CREB3L1: variants seen among roughly 807,000 people sequenced by gnomAD.
CREB3L1 encodes cAMP responsive element binding protein 3 like 1.
CREB3L1 carries 33 observed loss-of-function variants against 54.5 expected under a neutral mutation model. The ratio of observed to expected loss-of-function variants is 0.61; its 90% CI spans 0.46 to 0.81. The LOEUF is 0.81. CREB3L1 is among the 30% of genes least tolerant of loss of function. The pLI, the probability that CREB3L1 is intolerant of heterozygous loss-of-function variation, is 0.00. For missense variants in CREB3L1, 656 were observed against 673.3 expected, an observed-to-expected ratio of 0.97 and a Z score of 0.29; for synonymous variants, 284 against 286.4, an observed-to-expected ratio of 0.99 and a Z score of 0.08.
intron 2 of CREB3L1, among the ~76,000 whole-genome samples, chr11:46,302,459 T>C (rs1337600371): frequency 6.6e-6 from 1 of 152,156 alleles, no homozygotes; most frequent in Non-Finnish European, 1.5e-5. Flanking sequence ...GGGCATTTCC[T>C]CAAATACAGG....
intron 1 of CREB3L1, among the ~76,000 whole-genome samples, chr11:46,282,242 A>G (rs1938988912): frequency 6.6e-6 from 1 of 152,194 alleles, no homozygotes; most frequent in African/African-American, 2.4e-5. Flanking sequence ...ATTTGCAGCC[A>G]TCGAGGTCCT....
At chr11:46,315,159 CT>C in intron 8 of CREB3L1, 1 of 310,774 alleles carries the variant, frequency 3.2e-6, no homozygotes, top group South Asian at 3.1e-5. Context: ...TCTTTCCTTC[CT>C]TCTCCCCCAG....
intron 10 of CREB3L1, among the ~76,000 whole-genome samples, chr11:46,317,794 C>A (rs1939589251): frequency 6.6e-6 from 1 of 152,210 alleles, no homozygotes; most frequent in African/African-American, 2.4e-5. Flanking sequence ...GGGCCCCATG[C>A]ATTATGGTGC....
chr11:46,314,237 CAAA>C (rs1262951906), intron 8 of CREB3L1, among the ~76,000 whole-genome samples: 6 of 83,436 alleles, frequency 7.2e-5, no homozygotes, highest in Admixed American at 1.4e-4. Flanking sequence ...GACTCTGTCT[CAAA>C]AAAAAAAAAA....
chr11:46,304,267 G>C (rs1037405450), intron 2 of CREB3L1, among the ~76,000 whole-genome samples: 4 of 152,334 alleles, frequency 2.6e-5, no homozygotes, highest in Middle Eastern at 3.4e-3. Context: ...GAGGTCAGGA[G>C]TTCAAGGCCA....
Position 46,318,808 on chromosome 11 carries a change from A to G in CREB3L1, c.1258+1321A>G, listed in dbSNP as rs575130283. 7.2e-5 allele frequency among the ~76,000 whole-genome samples: 11 copies of G among 152,248 alleles called. No homozygotes were observed. In the South Asian group the frequency reaches 2.1e-3, roughly 29 times the overall value. ...GAGGTCAGAGGAGGGAAGATTAAGG[A>G]GTGAGTTTCAAGAAGGAGGGATATA... On this transcript the variant is annotated intron_variant, in intron 10 of 11. Transcript: ENST00000621158.
intron 1 of CREB3L1, among the ~76,000 whole-genome samples, chr11:46,290,299 C>A (rs1358737400): frequency 6.6e-6 from 1 of 152,062 alleles, no homozygotes; most frequent in Non-Finnish European, 1.5e-5. Context: ...TACTTCAGGA[C>A]CCTCTACTAT....
intron 1 of CREB3L1, among the ~76,000 whole-genome samples, chr11:46,285,506 C>T (rs1413721096): frequency 6.6e-6 from 1 of 152,106 alleles, no homozygotes. Flanking sequence ...GGACTCTGAC[C>T]CTCAGAGGAA....
chr11:46,279,971 G>A (rs1033315202), intron 1 of CREB3L1, among the ~76,000 whole-genome samples: 2 of 152,198 alleles, frequency 1.3e-5, no homozygotes, highest in African/African-American at 4.8e-5. Context: ...TCCAGCACTA[G>A]GACACTGGGG....
In CREB3L1 at chr11:46,278,170, T is replaced by C. The variant is rs1293383763; in HGVS notation, c.59T>C (p.Leu20Pro). 2 of 1,578,262 alleles carry C rather than the reference T, an allele frequency of 1.3e-6. No homozygotes were observed. Among genetic ancestry groups the C allele is most frequent in the Non-Finnish European group, 1.7e-6 (2 of 1,162,202 alleles). Residue 20 changes from leucine (L) to proline (P), a missense_variant, in exon 1 of 12, where the codon CTG becomes CCG. Leu to Pro is a moderately conservative substitution (Grantham distance 98). Coordinates refer to ENST00000621158, the MANE Select transcript of CREB3L1 (RefSeq NM_052854.4). The surrounding 1 kb of genome is among the most constrained non-coding windows in gnomAD (Gnocchi z 4.2). ...ADRLFPGSSF[L>P]DLGDLNESDF... is the part of the protein sequence containing the mutation. ...AGGCTGTTCCCCGGATCCAGCTTCC[T>C]GGACTTGGGGGATCTGAACGAGTCG...
chr11:46,309,389 C>G (rs1939451581), intron 3 of CREB3L1, among the ~76,000 whole-genome samples: 1 of 152,216 alleles, frequency 6.6e-6, no homozygotes, highest in East Asian at 1.9e-4. Flanking sequence ...GAAGTCCTTT[C>G]TGGAACAACA....
At chr11:46,280,939 A>T (rs563276511) in intron 1 of CREB3L1, among the ~76,000 whole-genome samples, 9 of 152,344 alleles carry the variant, frequency 5.9e-5, no homozygotes, top group Admixed American at 2.6e-4. Context: ...TCATGTGGAA[A>T]TCATGTGTGC....
intron 2 of CREB3L1, 109 bp from the exon 3 acceptor site, chr11:46,307,707 G>A: frequency 1.2e-5 from 11 of 888,800 alleles, no homozygotes; most frequent in Non-Finnish European, 1.8e-5. Context: ...CCTGCCCCCT[G>A]GTCTACCCTA....
At chr11:46,283,718 A>G (rs1337944818) in intron 1 of CREB3L1, among the ~76,000 whole-genome samples, 3 of 152,244 alleles carry the variant, frequency 2.0e-5, no homozygotes, top group South Asian at 4.1e-4. Context: ...CGTCTCTACA[A>G]AAAATAAAAA....
chr11:46,310,816 G>A (rs1423550906), intron 4 of CREB3L1: 5 of 543,296 alleles, frequency 9.2e-6, no homozygotes, highest in Non-Finnish European at 1.5e-5. Flanking sequence ...CCTCTGTGGT[G>A]TCAGATGAGG....
At chr11:46,283,336 A>G (rs1236612573) in intron 1 of CREB3L1, among the ~76,000 whole-genome samples, 1 of 152,224 alleles carries the variant, frequency 6.6e-6, no homozygotes, top group East Asian at 1.9e-4. Context: ...AAATTGTGAC[A>G]CCTTACTGCA....
intron 2 of CREB3L1, among the ~76,000 whole-genome samples, chr11:46,300,558 C>T (rs1939281888): frequency 6.6e-6 from 1 of 152,212 alleles, no homozygotes; most frequent in Non-Finnish European, 1.5e-5. Flanking sequence ...TTAGAGGAGA[C>T]AGTGGGGGTA....
In CREB3L1 at chr11:46,317,416, A is replaced by G. The variant is rs1014411792; in HGVS notation, c.1187A>G (p.Glu396Gly). 4.3e-6 allele frequency: 7 copies of G among 1,613,554 alleles called. No homozygotes were observed. The Admixed American group carries it at 1.2e-4, about 27-fold the overall frequency. The change falls in exon 10 of 12, where the codon GAG becomes GGG. Residue 396 changes from glutamate (E) to glycine (G), a missense_variant. By Grantham distance (98) the Glu-to-Gly change is moderately conservative. Coordinates refer to ENST00000621158, the MANE Select transcript of CREB3L1 (RefSeq NM_052854.4). ...GGCTCCCTCGTGCCCTGCCTTCCCG[A>G]GTTCTCCTCCGGCTCCCAGACTGTG... Reference protein sequence around the residue: ...VLGSLVPCLPEFSSGSQTVKE... With the variant: ...VLGSLVPCLPGFSSGSQTVKE...
At position 46,317,421 on chromosome 11, in the gene CREB3L1, T is replaced by C; in HGVS notation, c.1192T>C (p.Ser398Pro). Reference sequence around the variant, plus strand: ...CCTCGTGCCCTGCCTTCCCGAGTTCTCCTCCGGCTCCCAGACTGTGAAGGA... The same window carrying C: ...CCTCGTGCCCTGCCTTCCCGAGTTCCCCTCCGGCTCCCAGACTGTGAAGGA... The part of the protein sequence containing the change: ...GSLVPCLPEF[S>P]SGSQTVKEDP... The change falls in exon 10 of 12, where the codon TCC becomes CCC. Residue 398 changes from serine (S) to proline (P), a missense_variant. Physicochemically the swap from Ser to Pro is moderately conservative, Grantham distance 74. This residue lies in a region of CREB3L1 where 240 missense variants were observed against 219.8 expected (regional missense o/e 1.09). Transcript: ENST00000621158. 1.2e-6 allele frequency: 2 copies of C among 1,613,746 alleles called. No individual in the cohort carries two copies. The highest frequency in any genetic ancestry group is 1.7e-6 in the Non-Finnish European group (2 of 1,179,872).
Sources: gnomAD v4.1 joint callset for allele counts (sites outside exome capture counted in the v4.1 genomes callset) on GRCh38, gnomAD v4.1.1 for gene constraint, gnomAD v4.1.1 regional missense constraint, Gnocchi (gnomAD v3.1) non-coding constraint, MANE v1.5 for transcripts, NCBI Gene and HGNC (gene_info 2026-07-23, HGNC 2026-07-21) for gene names.